The following NALF1 variants were observed in gnomAD, a reference collection of about 807,000 sequenced individuals.
NALF1 encodes the protein NALCN channel auxiliary factor 1.
Under a neutral mutation model 48.4 loss-of-function variants are expected in NALF1, and 3 were observed. The observed-to-expected ratio is 0.06, with a 90% CI of 0.03 to 0.16. The LOEUF (loss-of-function observed/expected upper bound fraction) is 0.16, where lower values mean the gene tolerates loss of function less well. NALF1 is among the 10% of genes least tolerant of loss of function. The probability of loss-of-function intolerance (pLI) is 1.00; values close to 1 mark genes in which losing one functional copy is unlikely to be tolerated. For missense variants in NALF1, 526 were observed against 571.5 expected, an observed-to-expected ratio of 0.92 and a Z score of 0.81; for synonymous variants, 262 against 245.7, an observed-to-expected ratio of 1.07 and a Z score of -0.62.
chr13:107,325,838 C>T (rs1255080204), intron 1 of NALF1, among the ~76,000 whole-genome samples: 1 of 70,000 alleles, frequency 1.4e-5, no homozygotes, highest in Non-Finnish European at 2.9e-5. Flanking sequence ...GAAACTGTGT[C>T]TCAACACACA....
chr13:107,674,702 T>C (rs757192420), intron 1 of NALF1, among the ~76,000 whole-genome samples: 16 of 152,084 alleles, frequency 1.1e-4, no homozygotes, highest in Non-Finnish European at 2.2e-4. Context: ...GGCAGAGACC[T>C]GAAGGGACAA....
chr13:107,715,259 G>C (rs986124832), intron 1 of NALF1, among the ~76,000 whole-genome samples: 175 of 151,656 alleles, frequency 1.2e-3, no homozygotes, highest in Middle Eastern at 6.8e-3. Context: ...CTGGAGTGCA[G>C]TGGCATGATC....
chr13:107,816,718 A>C (rs1490148125), intron 1 of NALF1, among the ~76,000 whole-genome samples: 1 of 152,170 alleles, frequency 6.6e-6, no homozygotes, highest in Non-Finnish European at 1.5e-5. Flanking sequence ...CATATGACAA[A>C]GTTTGCTGAA....
Position 107,765,707 on chromosome 13 carries a change from C to T in NALF1, c.915+99975G>A, listed in dbSNP as rs568625807. Among the ~76,000 whole-genome samples the T allele has an allele frequency of 6.8e-4, 104 of 152,204 alleles. 1 individual carries two copies. In the Middle Eastern group the frequency reaches 0.017, roughly 25 times the overall value. ...ATAATAAATGGAAATAGATAACTTG[C>T]TTGCATCATTTATGAAACCTGGTCT... On this transcript the variant is annotated intron_variant, in intron 1 of 2. Transcript: ENST00000375915.
chr13:107,611,804 G>A (rs559855828), intron 1 of NALF1, among the ~76,000 whole-genome samples: 58 of 151,252 alleles, frequency 3.8e-4, no homozygotes, highest in African/African-American at 1.3e-3. Context: ...ACACCTATAA[G>A]CTCAGTTACT....
intron 1 of NALF1, among the ~76,000 whole-genome samples, chr13:107,355,428 G>T (rs913904640): frequency 6.6e-6 from 1 of 151,998 alleles, no homozygotes; most frequent in African/African-American, 2.4e-5. Flanking sequence ...AGGTTCTAAA[G>T]AAGTATTTAT....
chr13:107,735,886 A>C (rs1594235658), intron 1 of NALF1, among the ~76,000 whole-genome samples: 1 of 152,214 alleles, frequency 6.6e-6, no homozygotes, highest in African/African-American at 2.4e-5. Flanking sequence ...GTCTTACTAA[A>C]GAATGAGAAT....
At chr13:107,649,412 T>C (rs1880392520) in intron 1 of NALF1, among the ~76,000 whole-genome samples, 1 of 152,220 alleles carries the variant, frequency 6.6e-6, no homozygotes, top group Admixed American at 6.5e-5. Context: ...ATATAATCTT[T>C]TTTTAAGATG....
chr13:107,405,816 T>C (rs67184594), intron 1 of NALF1, among the ~76,000 whole-genome samples: 14,992 of 151,908 alleles, frequency 0.099, 765 homozygotes, highest in South Asian at 0.12. Context: ...AAGAGAGTTA[T>C]TTAGAATAGA....
At chr13:107,680,380 A>C (rs572972088) in intron 1 of NALF1, among the ~76,000 whole-genome samples, 1 of 150,360 alleles carries the variant, frequency 6.7e-6, no homozygotes, top group South Asian at 2.1e-4. Context: ...TTTTGCTCTC[A>C]TGCCGGCTCT....
At chr13:107,577,415 C>G (rs888000147) in intron 1 of NALF1, among the ~76,000 whole-genome samples, 1 of 152,080 alleles carries the variant, frequency 6.6e-6, no homozygotes, top group Non-Finnish European at 1.5e-5. Context: ...TTCTTGGAGA[C>G]TAGCATGCAA....
chr13:107,731,260 TTTCAC>T (rs1282823648), intron 1 of NALF1, among the ~76,000 whole-genome samples: 1 of 152,076 alleles, frequency 6.6e-6, no homozygotes, highest in Non-Finnish European at 1.5e-5. Context: ...TAAAAGGAAA[TTTCAC>T]TTCAAGTTAA....
At chr13:107,560,277 T>C (rs1298949336) in intron 1 of NALF1, among the ~76,000 whole-genome samples, 1 of 152,074 alleles carries the variant, frequency 6.6e-6, no homozygotes, top group Admixed American at 6.5e-5. Context: ...AAAATGAGGA[T>C]GGGTCTTCTG....
chr13:107,827,424 G>A (rs1415252591), intron 1 of NALF1, among the ~76,000 whole-genome samples: 1 of 152,160 alleles, frequency 6.6e-6, no homozygotes, highest in Non-Finnish European at 1.5e-5. Context: ...CAGGTACGCA[G>A]GAAAAGCATC....
At chr13:107,420,293 GAT>G (rs1196654842) in intron 1 of NALF1, among the ~76,000 whole-genome samples, 11 of 152,188 alleles carry the variant, frequency 7.2e-5, no homozygotes, top group Non-Finnish European at 1.6e-4. Flanking sequence ...CCAAACTTTA[GAT>G]GGTTCTTCTA....
chr13:107,764,958 T>C (rs1278765490), intron 1 of NALF1, among the ~76,000 whole-genome samples: 1 of 152,204 alleles, frequency 6.6e-6, no homozygotes, highest in East Asian at 1.9e-4. Context: ...GGTTACTTTA[T>C]GCATGGAGGA....
At chr13:107,712,058 A>G (rs983549504) in intron 1 of NALF1, among the ~76,000 whole-genome samples, 1 of 152,100 alleles carries the variant, frequency 6.6e-6, no homozygotes, top group Non-Finnish European at 1.5e-5. Context: ...AACCATGATT[A>G]TATCAAATCC....
intron 1 of NALF1, among the ~76,000 whole-genome samples, chr13:107,294,805 C>T (rs1425710021): frequency 6.6e-6 from 1 of 152,166 alleles, no homozygotes; most frequent in Non-Finnish European, 1.5e-5. Flanking sequence ...GTAAACCTAA[C>T]TTCCTTAAGT....
intron 1 of NALF1, among the ~76,000 whole-genome samples, chr13:107,681,569 G>A (rs1157677948): frequency 1.3e-5 from 2 of 152,136 alleles, no homozygotes; most frequent in Admixed American, 1.3e-4. Context: ...GCAGACATCA[G>A]GGGAGGCAAG....
Sources: gnomAD v4.1 joint callset for allele counts (sites outside exome capture counted in the v4.1 genomes callset) on GRCh38, gnomAD v4.1.1 for gene constraint, MANE v1.5 for transcripts, NCBI Gene and HGNC (gene_info 2026-07-23, HGNC 2026-07-21) for gene names.